Variants in GLI3 observed in about 807,000 individuals in gnomAD.
GLI3 encodes the protein GLI family zinc finger 3.
A neutral mutation model predicts 100.8 loss-of-function variants in GLI3; 20 were observed. That is an observed-to-expected ratio of 0.20 (90% CI 0.14 to 0.29). The LOEUF (loss-of-function observed/expected upper bound fraction) is 0.29. GLI3 is among the 10% of genes least tolerant of loss of function. GLI3 has a pLI of 1.00. For synonymous variants in GLI3, 938 were observed against 860.5 expected (o/e 1.09, Z -1.58); for missense variants, 2,040 against 2,128.5 (o/e 0.96, Z 0.82).
upstream of GLI3, among the ~76,000 whole-genome samples, chr7:42,237,401 C>G (rs937729631): frequency 6.6e-6 from 1 of 152,136 alleles, no homozygotes; most frequent in Non-Finnish European, 1.5e-5. Flanking sequence ...CTCCTGGCAT[C>G]CAATCGACTT....
intron 3 of GLI3, among the ~76,000 whole-genome samples, chr7:42,089,629 AATTT>A (rs1785175743): frequency 6.6e-6 from 1 of 152,196 alleles, no homozygotes; most frequent in African/African-American, 2.4e-5. Flanking sequence ...TTCCCATGGG[AATTT>A]ATCTGCTCTC....
intron 10 of GLI3, among the ~76,000 whole-genome samples, chr7:42,023,093 A>G (rs572848603): frequency 6.6e-6 from 1 of 152,140 alleles, no homozygotes; most frequent in East Asian, 1.9e-4. Flanking sequence ...TCATCTCCAC[A>G]TTTTTTCCAT....
rs757310528 is a variant in GLI3, at chr7:41,965,829, C to T, written c.3244G>A (p.Ala1082Thr). The part of the protein sequence containing the change: ...NVTLESLTMD[A>T]DANLNDEDFL... ...TCCTCATCGTTCAGGTTGGCATCAG[C>T]GTCCATGGTCAGGGACTCCAGGGTG... The change falls in exon 15 of 15, where the codon GCT becomes ACT. Residue 1082 changes from alanine (A) to threonine (T), a missense_variant. Physicochemically the swap from Ala to Thr is moderately conservative, Grantham distance 58. Transcript: ENST00000395925. The T allele has an allele frequency of 1.9e-6, 3 of 1,613,370 alleles. No homozygotes were observed. Among genetic ancestry groups the T allele is most frequent in the Non-Finnish European group, 8.5e-7 (1 of 1,179,906 alleles).
intron 3 of GLI3, among the ~76,000 whole-genome samples, chr7:42,088,064 C>T (rs1785142209): frequency 6.6e-6 from 1 of 152,208 alleles, no homozygotes; most frequent in Non-Finnish European, 1.5e-5. Context: ...ATCCACTTCA[C>T]ATTTCTTGGC....
At position 41,963,315 on chromosome 7, in the gene GLI3, C is replaced by T. The variant is rs1444878223; in HGVS notation, c.*1015G>A. Reference sequence around the variant, plus strand: ...AGCCGCTTGTGGGGTTGTTTAAATACCTATATACTTAGAGCTATATATAAT... The same window carrying T: ...AGCCGCTTGTGGGGTTGTTTAAATATCTATATACTTAGAGCTATATATAAT... On this transcript the variant is annotated 3_prime_UTR_variant, in exon 15 of 15. Transcript: ENST00000395925. 2 of 152,092 alleles carry T rather than the reference C, an allele frequency of 1.3e-5. No individual in the cohort carries two copies. The highest frequency in any genetic ancestry group is 4.8e-5 in the African/African-American group (2 of 41,410). The allele number at this position is 152,092 out of a possible 1,614,324, so 9.4% of individuals were successfully genotyped here. A position where few individuals can be genotyped will look rare whatever the true frequency, so the allele number is the denominator to read the frequency against.
At chr7:42,246,623 A>G (rs1355097387) in intron 1 of GLI3, among the ~76,000 whole-genome samples, 2 of 139,992 alleles carry the variant, frequency 1.4e-5, no homozygotes, top group Non-Finnish European at 2.9e-5. Flanking sequence ...AAAACAAAAC[A>G]AAACAAAACA....
At chr7:42,116,820 AAGAGGT>A (rs1562739066) in intron 3 of GLI3, among the ~76,000 whole-genome samples, 1 of 151,276 alleles carries the variant, frequency 6.6e-6, no homozygotes, top group Non-Finnish European at 1.5e-5. Flanking sequence ...ATAATTTAAT[AAGAGGT>A]CTCATAAGAG....
intron 3 of GLI3, among the ~76,000 whole-genome samples, chr7:42,137,874 A>T (rs1038071132): frequency 2.0e-5 from 3 of 152,248 alleles, no homozygotes; most frequent in African/African-American, 7.2e-5. Context: ...GGTATATATA[A>T]AACATAAATG....
rs886062321 is a variant in GLI3, at chr7:41,962,859, G to A, written c.*1471C>T. On this transcript the variant is annotated 3_prime_UTR_variant, in exon 15 of 15. Transcript: ENST00000395925. ...GACAGAATACAGCAGGTAGCCTGAG[G>A]TGTTAATATTTTAACAGTTTATATA... is the stretch of plus-strand genomic sequence containing the variant. 1.3e-5 allele frequency: 2 copies of A among 152,156 alleles called. No individual in the cohort carries two copies. The highest frequency in any genetic ancestry group is 3.8e-4 in the East Asian group (2 of 5,198). The allele number at this position is 152,156 out of a possible 1,614,324, so 9.4% of individuals were successfully genotyped here. A position where few individuals can be genotyped will look rare whatever the true frequency, so the allele number is the denominator to read the frequency against.
In GLI3 at chr7:41,982,697, CAA is replaced by C. The variant is rs200821387; in HGVS notation, c.1498-3951_1498-3950del. Reference sequence around the variant, plus strand: ...AGCCTGGGAGAGCAAGAACTTGTCTCAAAAAAAAAAAAAAAAAAGAAAATACA... The same window carrying C: ...AGCCTGGGAGAGCAAGAACTTGTCTCAAAAAAAAAAAAAAAAGAAAATACA... On this transcript the variant is annotated intron_variant, in intron 10 of 14. Transcript: ENST00000395925. 8.8e-3 allele frequency among the ~76,000 whole-genome samples: 1,011 copies of C among 114,698 alleles called. 4 individuals carry two copies. The highest frequency in any genetic ancestry group is 0.014 in the Non-Finnish European group (739 of 52,012). The allele number at this position is 114,698 out of a possible 152,430, so 75.2% of individuals were successfully genotyped here. A position where few individuals can be genotyped will look rare whatever the true frequency, so the allele number is the denominator to read the frequency against.
intron 9 of GLI3, among the ~76,000 whole-genome samples, chr7:42,024,420 C>T (rs996637331): frequency 1.9e-5 from 2 of 105,838 alleles, no homozygotes; most frequent in Non-Finnish European, 3.8e-5. Context: ...GAGGAAAGAT[C>T]CATTTCAGAG....
At chr7:41,983,771 C>T (rs1787737875) in intron 10 of GLI3, among the ~76,000 whole-genome samples, 4 of 152,136 alleles carry the variant, frequency 2.6e-5, no homozygotes, top group African/African-American at 9.7e-5. Context: ...ACATCAGGAC[C>T]AGGAAATTTC....
In GLI3 at chr7:42,227,640, G is replaced by C. The variant is rs187290398; in HGVS notation, c.-42-4345C>G. ...AACACAAGGCATTTAAAGCTTCCTG[G>C]AGCCACTGACCTGGTGACGCTGTAG... On this transcript the variant is annotated intron_variant, in intron 1 of 14. Transcript: ENST00000395925. 5.3e-5 allele frequency: 8 copies of C among 152,170 alleles called. No individual in the cohort carries two copies. In the East Asian group the frequency reaches 1.6e-3, roughly 30 times the overall value. The allele number at this position is 152,170 out of a possible 1,614,324, so 9.4% of individuals were successfully genotyped here.
At chr7:42,107,879 C>T (rs1049097887) in intron 3 of GLI3, among the ~76,000 whole-genome samples, 4 of 152,142 alleles carry the variant, frequency 2.6e-5, no homozygotes, top group African/African-American at 7.2e-5. Context: ...AAAAAATAAC[C>T]AACCTTGCCG....
At chr7:42,260,917 T>C (rs1789131045) in intron 1 of GLI3, among the ~76,000 whole-genome samples, 1 of 152,216 alleles carries the variant, frequency 6.6e-6, no homozygotes, top group Non-Finnish European at 1.5e-5. Context: ...GCTATTTATA[T>C]ATTCACAATC....
chr7:42,162,853 G>C (rs561879746), intron 2 of GLI3, among the ~76,000 whole-genome samples: 1 of 151,842 alleles, frequency 6.6e-6, no homozygotes, highest in Admixed American at 6.6e-5. Context: ...CAAGTAGCTC[G>C]GCCTTACAAA....
intron 1 of GLI3, among the ~76,000 whole-genome samples, chr7:42,235,189 A>G (rs1788766476): frequency 6.6e-6 from 1 of 152,248 alleles, no homozygotes; most frequent in South Asian, 2.1e-4. Context: ...TCAGACTACT[A>G]TTAATTTTTA....
At chr7:41,991,392 A>G (rs1787983772) in intron 10 of GLI3, among the ~76,000 whole-genome samples, 1 of 152,208 alleles carries the variant, frequency 6.6e-6, no homozygotes, top group South Asian at 2.1e-4. Flanking sequence ...TATCAACTCT[A>G]TCATTTTTCA....
chr7:42,184,518 G>A (rs1167440920), intron 2 of GLI3, among the ~76,000 whole-genome samples: 2 of 152,184 alleles, frequency 1.3e-5, no homozygotes, highest in Non-Finnish European at 2.9e-5. Context: ...CACCATATCT[G>A]TTTCCTTCAA....
Sources: gnomAD v4.1 joint callset for allele counts (sites outside exome capture counted in the v4.1 genomes callset) on GRCh38, gnomAD v4.1.1 for gene constraint, MANE v1.5 for transcripts, NCBI Gene and HGNC (gene_info 2026-07-23, HGNC 2026-07-21) for gene names.